The following TRAF7 variants were observed in gnomAD, a reference collection of about 807,000 sequenced individuals.
TRAF7 encodes E3 ubiquitin-protein ligase TRAF7.
TRAF7 carries 45 observed loss-of-function variants against 89.3 expected under a neutral mutation model. The observed-to-expected ratio is 0.50, with a 90% CI of 0.40 to 0.65. The LOEUF is 0.65. Among genes scored for constraint, TRAF7 ranks in the 30% least tolerant of loss-of-function variants. TRAF7 has a pLI of 0.00. For synonymous variants in TRAF7, 406 were observed against 369.2 expected, an observed-to-expected ratio of 1.10 and a Z score of -1.14; for missense variants, 677 against 918.1, an observed-to-expected ratio of 0.74 and a Z score of 3.39.
chr16:2,172,144 G>A (rs777466088), intron 7 of TRAF7, 47 bp from the exon 8 acceptor site: 1 of 1,608,742 alleles, frequency 6.2e-7, no homozygotes, highest in East Asian at 2.2e-5. Context: ...GGGTGAGGGA[G>A]CGTGTGCCAG....
intron 2 of TRAF7, among the ~76,000 whole-genome samples, 166 bp downstream of exon 2, chr16:2,164,167 C>CGCGCGT (rs2093070186): frequency 9.5e-6 from 1 of 105,666 alleles, no homozygotes; most frequent in African/African-American, 4.2e-5. Flanking sequence ...TGTGCGCGCG[C>CGCGCGT]GCGCGCGCGC....
chr16:2,172,506 C>T lies in TRAF7; in HGVS notation c.701C>T (p.Pro234Leu). The T allele has an allele frequency of 6.2e-7, 1 of 1,605,180 alleles. No homozygotes were observed. The highest frequency in any genetic ancestry group is 2.2e-5 in the East Asian group (1 of 44,584). ...TGTGACTACAGGCCTGTGCGGTGTC[C>T]CAACAACCCCAGCTGCCCCCCGCTG... ...GSCDYRPVRCPNNPSCPPLLR... is the reference protein window; with the variant it reads ...GSCDYRPVRCLNNPSCPPLLR... Residue 234 changes from proline (P) to leucine (L), a missense_variant, in exon 9 of 21, where the codon CCC (proline) becomes CTC (leucine). Around this residue, in one of 6 missense-constraint regions of TRAF7, gnomAD observed 238 missense variants for 352.6 expected, o/e 0.67. Transcript: ENST00000326181.
intron 7 of TRAF7, 80 bp downstream of exon 7, chr16:2,171,685 CCCCTGCACAGCGTCCGG>C: frequency 1.2e-6 from 2 of 1,601,952 alleles, no homozygotes; most frequent in Non-Finnish European, 1.7e-6. Context: ...TCTCCCTTGT[CCCCTGCACAGCGTCCGG>C]CCCTGTTTGG....
At chr16:2,167,857 G>A (rs1271364281) in intron 3 of TRAF7, among the ~76,000 whole-genome samples, 1 of 152,116 alleles carries the variant, frequency 6.6e-6, no homozygotes, top group Non-Finnish European at 1.5e-5. Context: ...CTGTCCAGAT[G>A]TAGACCGAGC....
Position 2,177,115 on chromosome 16 carries a change from C to G in TRAF7, c.*541C>G. 1 of 266,218 alleles carries G rather than the reference C, an allele frequency of 3.8e-6. No homozygotes were observed. The highest frequency in any genetic ancestry group is 7.3e-6 in the Non-Finnish European group (1 of 136,802). The allele number at this position is 266,218 out of a possible 1,614,324, so 16.5% of individuals were successfully genotyped here. A position where few individuals can be genotyped will look rare whatever the true frequency, so the allele number is the denominator to read the frequency against. On this transcript the variant is annotated 3_prime_UTR_variant, in exon 21 of 21. Transcript: ENST00000326181. ...CTGCTAGGAGGCAACTCGTCACACC[C>G]AAGCTGCTGGCCTCCAGTCCCATCT...
In TRAF7 at chr16:2,176,823, C is replaced by T. The variant is rs913186684; in HGVS notation, c.*249C>T. On this transcript the variant is annotated 3_prime_UTR_variant, in exon 21 of 21. Coordinates refer to ENST00000326181, the MANE Select transcript of TRAF7 (RefSeq NM_032271.3). ...TGCCCCGGCCCACCCTCCATCCCCA[C>T]CCTCCATCCCCACCCTAGATGGAGC... 1.5e-5 allele frequency: 9 copies of T among 610,366 alleles called. No homozygotes were observed. The highest frequency in any genetic ancestry group is 9.2e-5 in the African/African-American group (5 of 54,242). 37.8% of individuals were successfully genotyped at this position (610,366 alleles called of 1,614,324 possible).
At chr16:2,167,222 C>T (rs879430237) in intron 3 of TRAF7, among the ~76,000 whole-genome samples, 5 of 152,128 alleles carry the variant, frequency 3.3e-5, no homozygotes, top group South Asian at 2.1e-4. Flanking sequence ...GGCCCCTCGG[C>T]GGCAGGGATG....
rs2141268071 is a variant in TRAF7, at chr16:2,162,185, C to T, written c.-38-1698C>T. ...CCGAGTCCTGAAGGCTGAGTGGCTC[C>T]AGGGTGGGTGGCCTTCCAGGTGGCA... On this transcript the variant is annotated intron_variant, in intron 1 of 20. Coordinates refer to ENST00000326181, the MANE Select transcript of TRAF7 (RefSeq NM_032271.3). This position sits in a 1 kb window ranked among gnomAD's most constrained non-coding sequence, Gnocchi z 5.0. Among the ~76,000 whole-genome samples the T allele has an allele frequency of 6.6e-6, 1 of 152,210 alleles. No individual in the cohort carries two copies. Among genetic ancestry groups the T allele is most frequent in the East Asian group, 1.9e-4 (1 of 5,194 alleles).
rs939174931 is a variant in TRAF7, at chr16:2,175,581, G to T, written c.1585G>T (p.Ala529Ser). 1.2e-6 allele frequency: 2 copies of T among 1,612,728 alleles called. No individual in the cohort carries two copies. Among genetic ancestry groups the T allele is most frequent in the African/African-American group, 2.7e-5 (2 of 74,908 alleles). Reference sequence around the variant, plus strand: ...CCACTGGGTGCGGGCCCTGGTGGCTGCCCAGAGCTACCTGTACAGCGGCTC... The same window carrying T: ...CCACTGGGTGCGGGCCCTGGTGGCTTCCCAGAGCTACCTGTACAGCGGCTC... ...LNHWVRALVA[A>S]QSYLYSGSYQ... Residue 529 changes from alanine to serine, a missense_variant, in exon 17 of 21, where the codon GCC becomes TCC. This residue lies in a region of TRAF7 where 160 missense variants were observed against 263.7 expected (regional missense o/e 0.61). Transcript: ENST00000326181.
chr16:2,164,153 T>C (rs1176831933), intron 2 of TRAF7, 152 bp downstream of exon 2: 21 of 553,590 alleles, frequency 3.8e-5, no homozygotes, highest in East Asian at 3.1e-4. Flanking sequence ...TGTGTGTGTG[T>C]GTGTGTGCGC....
chr16:2,171,319 G>T lies in TRAF7; in HGVS notation c.404G>T (p.Cys135Phe). 6.4e-7 allele frequency: 1 copy of T among 1,555,562 alleles called. No individual in the cohort carries two copies. Among genetic ancestry groups the T allele is most frequent in the Non-Finnish European group, 8.7e-7 (1 of 1,150,018 alleles). ...GTGAAGCTGTGCTGTCAGCTCTGCT[G>T]CAGCGTCTTCAAAGACCCCGTGATC... ...PSVKLCCQLC[C>F]SVFKDPVITT... The change falls in exon 6 of 21, where the codon TGC (cysteine) becomes TTC (phenylalanine). Residue 135 changes from cysteine to phenylalanine, a missense_variant. This residue lies in a region of TRAF7 where 240 missense variants were observed against 191.9 expected (regional missense o/e 1.25). Coordinates refer to ENST00000326181, the MANE Select transcript of TRAF7 (RefSeq NM_032271.3).
At chr16:2,166,985 G>T (rs2093088897) in intron 3 of TRAF7, among the ~76,000 whole-genome samples, 1 of 152,184 alleles carries the variant, frequency 6.6e-6, no homozygotes, top group Non-Finnish European at 1.5e-5. Flanking sequence ...CTTTTTAATT[G>T]CTCTGATAAA....
rs1555465094 is a variant in TRAF7, at chr16:2,158,772, G to GGA, written c.-39+2915_-39+2916insAG. Among the ~76,000 whole-genome samples, 1 of 150,904 alleles carries GGA rather than the reference G, an allele frequency of 6.6e-6. No individual in the cohort carries two copies. The highest frequency in any genetic ancestry group is 1.9e-4 in the East Asian group (1 of 5,132). On this transcript the variant is annotated intron_variant, in intron 1 of 20. Coordinates refer to ENST00000326181, the MANE Select transcript of TRAF7 (RefSeq NM_032271.3). This position sits in a 1 kb window ranked among gnomAD's most constrained non-coding sequence, Gnocchi z 4.7. ...GACTGGGAAGCGTGGGCTCGGCGGG[G>GGA]GGGGGGGGGACACTGCCACCCTTGG... is the stretch of plus-strand genomic sequence containing the variant.
In TRAF7 at chr16:2,168,465, G is replaced by A. The variant is rs1419312760; in HGVS notation, c.231+297G>A. ...CATCTTAAGGGAGGTGGAAACCACA[G>A]AAAGTTCAGTCAGGAGGATAGCACA... is the stretch of plus-strand genomic sequence containing the variant. On this transcript the variant is annotated intron_variant, in intron 4 of 20. Transcript: ENST00000326181. The surrounding 1 kb of genome is among the most constrained non-coding windows in gnomAD (Gnocchi z 4.1). 1.3e-5 allele frequency: 5 copies of A among 372,744 alleles called. No homozygotes were observed. Among genetic ancestry groups the A allele is most frequent in the Non-Finnish European group, 2.5e-5 (5 of 201,206 alleles). The allele number at this position is 372,744 out of a possible 1,614,324, so 23.1% of individuals were successfully genotyped here. A position where few individuals can be genotyped will look rare whatever the true frequency, so the allele number is the denominator to read the frequency against.
chr16:2,176,177 CAG>C lies in TRAF7; in HGVS notation c.1876_1877del (p.Arg626GlyfsTer37), dbSNP rs1310999539. 6.2e-7 allele frequency: 1 copy of C among 1,605,792 alleles called. No homozygotes were observed. The highest frequency in any genetic ancestry group is 1.7e-5 in the Admixed American group (1 of 59,894). On this transcript the variant is annotated frameshift_variant and splice_region_variant, in exon 19 of 21. Coordinates refer to ENST00000326181, the MANE Select transcript of TRAF7 (RefSeq NM_032271.3). LOFTEE classifies it high-confidence loss of function. ...VFSASYDRSLRVWSMDNMICT... is the reference protein window; with the variant it reads ...VFSASYDRSLXVWSMDNMICT... Reference sequence around the variant, plus strand: ...TCAGTGCATCCTACGACCGGTCCCTCAGGGTGCGTGCTGGCCCAGCGGTGGCA... The same window carrying C: ...TCAGTGCATCCTACGACCGGTCCCTCGGTGCGTGCTGGCCCAGCGGTGGCA...
At chr16:2,167,816 G>C (rs545469557) in intron 3 of TRAF7, among the ~76,000 whole-genome samples, 1 of 152,248 alleles carries the variant, frequency 6.6e-6, no homozygotes, top group Admixed American at 6.5e-5. Context: ...AGGCAGGGCT[G>C]GGGCAGGGGC....
chr16:2,174,403 G>T (rs572068873), intron 14 of TRAF7, 70 bp downstream of exon 14: 5 of 1,495,304 alleles, frequency 3.3e-6, no homozygotes, highest in Non-Finnish European at 3.7e-6. Flanking sequence ...CCCGTGGGCC[G>T]TGAGCCATGA....
At position 2,163,622 on chromosome 16, in the gene TRAF7, G is replaced by T. The variant is rs2093066144; in HGVS notation, c.-38-261G>T. On this transcript the variant is annotated intron_variant, in intron 1 of 20. Coordinates refer to ENST00000326181, the MANE Select transcript of TRAF7 (RefSeq NM_032271.3). The surrounding 1 kb of genome is among the most constrained non-coding windows in gnomAD (Gnocchi z 4.3). ...CTCCACCTCGGGGAAGAGCTGGATGGGCTCTTCGGGAGCTCAGAAAGGCTA... is the reference window on the plus strand; with the variant it reads ...CTCCACCTCGGGGAAGAGCTGGATGTGCTCTTCGGGAGCTCAGAAAGGCTA... 2 of 441,842 alleles carry T rather than the reference G, an allele frequency of 4.5e-6. No individual in the cohort carries two copies. The highest frequency in any genetic ancestry group is 9.2e-5 in the East Asian group (2 of 21,784). The allele number at this position is 441,842 out of a possible 1,614,324, so 27.4% of individuals were successfully genotyped here. A position where few individuals can be genotyped will look rare whatever the true frequency, so the allele number is the denominator to read the frequency against.
Position 2,162,621 on chromosome 16 carries a change from G to A in TRAF7, c.-38-1262G>A, listed in dbSNP as rs901182851. 6.6e-6 allele frequency among the ~76,000 whole-genome samples: 1 copy of A among 152,078 alleles called. No individual in the cohort carries two copies. The highest frequency in any genetic ancestry group is 1.9e-4 in the East Asian group (1 of 5,198). The stretch of plus-strand genomic sequence containing the variant: ...GCAGCCCGGCTTCCCCAGGGTGAGA[G>A]CAGGGCCGCAGGAGTGGGCTCCCTG... On this transcript the variant is annotated intron_variant, in intron 1 of 20. Coordinates refer to ENST00000326181, the MANE Select transcript of TRAF7 (RefSeq NM_032271.3). The surrounding 1 kb of genome is among the most constrained non-coding windows in gnomAD (Gnocchi z 5.0).
Sources: allele counts gnomAD v4.1 joint callset (sites outside exome capture counted in the v4.1 genomes callset), GRCh38; gene constraint gnomAD v4.1.1; regional missense constraint gnomAD v4.1.1; non-coding constraint Gnocchi (gnomAD v3.1); transcripts MANE v1.5; gene names NCBI Gene and HGNC (gene_info 2026-07-23, HGNC 2026-07-21).